Variants in TMEM150B observed in about 807,000 individuals in gnomAD.
TMEM150B encodes modulator of macroautophagy TMEM150B.
A neutral mutation model predicts 25.2 loss-of-function variants in TMEM150B; 33 were observed. The observed-to-expected ratio is 1.31, with a 90% CI of 0.99 to 1.75. TMEM150B has a LOEUF of 1.75. Ranked by LOEUF, TMEM150B falls within the 40% of genes most tolerant of loss-of-function variation. TMEM150B has a pLI of 0.00. For missense variants in TMEM150B, 322 were observed against 306.1 expected (o/e 1.05, Z -0.39); for synonymous variants, 133 against 134.8 (o/e 0.99, Z 0.09).
intron 7 of TMEM150B, among the ~76,000 whole-genome samples, chr19:55,315,530 A>C (rs993661656): frequency 4.6e-5 from 7 of 152,016 alleles, no homozygotes; most frequent in African/African-American, 1.7e-4. Flanking sequence ...GGGAGGCCAA[A>C]GTGGGCGCAT....
chr19:55,314,837 A>G (rs1416637584), intron 7 of TMEM150B, among the ~76,000 whole-genome samples: 1 of 152,188 alleles, frequency 6.6e-6, no homozygotes, highest in Non-Finnish European at 1.5e-5. Context: ...CACCATTTCC[A>G]TTTTGCTGAG....
chr19:55,321,757 ATTC>A (rs1362624654), intron 2 of TMEM150B, among the ~76,000 whole-genome samples: 2 of 151,976 alleles, frequency 1.3e-5, no homozygotes. Context: ...GAATACAGAT[ATTC>A]TTCTCCAGCT....
Position 55,316,796 on chromosome 19 carries a change from G to C in TMEM150B, c.495C>G (p.Leu165=). Residue 165 remains leucine, a synonymous_variant, in exon 7 of 8, where the codon CTC becomes CTG. Transcript: ENST00000326652. ...ATACAAGAAGGATACTGGCCACAAT[G>C]AGGATGGTGCAGACGCTGCAGAGGC... ...RLGLCSVCTI[L]IVAMIVLHAC... is the part of the protein sequence containing the mutation. 1.3e-6 allele frequency: 2 copies of C among 1,530,624 alleles called. No homozygotes were observed. The highest frequency in any genetic ancestry group is 1.7e-6 in the Non-Finnish European group (2 of 1,145,610). The allele number at this position is 1,530,624 out of a possible 1,614,324, so 94.8% of individuals were successfully genotyped here. A position where few individuals can be genotyped will look rare whatever the true frequency, so the allele number is the denominator to read the frequency against.
rs1420481477 is a variant in TMEM150B at position 55,312,821 on chromosome 19, C to T, written c.*38G>A. 1.3e-6 allele frequency: 2 copies of T among 1,535,904 alleles called. No homozygotes were observed. Among genetic ancestry groups the T allele is most frequent in the Non-Finnish European group, 8.8e-7 (1 of 1,138,900 alleles). Reference sequence around the variant, plus strand: ...ACTGGGATTGGCCCCATCTTTCCTGCTTCACTGGTGAGGGCAAGGCCCGGG... The same window carrying T: ...ACTGGGATTGGCCCCATCTTTCCTGTTTCACTGGTGAGGGCAAGGCCCGGG... On this transcript the variant is annotated 3_prime_UTR_variant, in exon 8 of 8. Transcript: ENST00000326652.
chr19:55,318,548 A>AT (rs1197851342), intron 6 of TMEM150B, among the ~76,000 whole-genome samples: 2 of 151,876 alleles, frequency 1.3e-5, no homozygotes, highest in Admixed American at 1.3e-4. Flanking sequence ...AGGCAGGAGA[A>AT]TCGCTTGAAC....
Position 55,312,877 on chromosome 19 carries a change from G to A in TMEM150B, c.684C>T (p.Ser228=). The change falls in exon 8 of 8, where the codon TCC becomes TCT. Residue 228 remains serine, a synonymous_variant. Coordinates refer to ENST00000326652, the MANE Select transcript of TMEM150B (RefSeq NM_001282011.2). ...GTGCCTGCTACAGCTGGACCGGCAGGGAGATGGGGGAGGCCGGCGGGGGGC... is the reference window on the plus strand; with the variant it reads ...GTGCCTGCTACAGCTGGACCGGCAGAGAGATGGGGGAGGCCGGCGGGGGGC... The part of the protein sequence containing the change: ...SLSPPPASPI[S]LPVQL 6.3e-7 allele frequency: 1 copy of A among 1,596,052 alleles called. No individual in the cohort carries two copies. Among genetic ancestry groups the A allele is most frequent in the Non-Finnish European group, 8.5e-7 (1 of 1,172,504 alleles).
At position 55,320,593 on chromosome 19, in the gene TMEM150B, C is replaced by G. The variant is rs1055739046; in HGVS notation, c.93G>C (p.Arg31Ser). Reference sequence around the variant, plus strand: ...GAAAGCCTTTACTGAGGTCCACAGTCCTGTTGGTCACTGCAATGGCAAAAC... The same window carrying G: ...GAAAGCCTTTACTGAGGTCCACAGTGCTGTTGGTCACTGCAATGGCAAAAC... ...WIVFAIAVTN[R>S]TVDLSKGFPY... The change falls in exon 4 of 8, where the codon AGG becomes AGC. Residue 31 changes from arginine (R) to serine (S), a missense_variant. Physicochemically the swap from Arg to Ser is moderately radical, Grantham distance 110. Transcript: ENST00000326652. The G allele has an allele frequency of 1.2e-6, 2 of 1,613,804 alleles. No homozygotes were observed. Among genetic ancestry groups the G allele is most frequent in the African/African-American group, 2.7e-5 (2 of 74,942 alleles).
chr19:55,318,066 A>G (rs1280173242), intron 6 of TMEM150B, among the ~76,000 whole-genome samples: 4 of 152,170 alleles, frequency 2.6e-5, no homozygotes, highest in African/African-American at 9.7e-5. Context: ...CAAGATAATA[A>G]TAATAGGTTG....
intron 1 of TMEM150B, 30 bp downstream of exon 1, chr19:55,325,242 C>T (rs990555140): frequency 8.6e-5 from 85 of 983,990 alleles, no homozygotes; most frequent in Non-Finnish European, 1.0e-4. Flanking sequence ...TGCCGAGCTA[C>T]TTTCAAGTTG....
downstream of TMEM150B, chr19:55,312,247 A>C: frequency 2.6e-6 from 1 of 377,630 alleles, no homozygotes. Context: ...TTCTAGGGGA[A>C]CAGGGGGCGG....
chr19:55,312,028 A>G, downstream of TMEM150B: 2 of 1,459,616 alleles, frequency 1.4e-6, no homozygotes, highest in South Asian at 2.6e-5. Context: ...CCCCCCAAGG[A>G]CAAGAAGCTC....
chr19:55,317,039 C>T (rs2089028639), intron 6 of TMEM150B, 73 bp from the exon 7 acceptor site: 3 of 1,428,414 alleles, frequency 2.1e-6, no homozygotes, highest in East Asian at 5.0e-5. Flanking sequence ...GGGCCAGGGC[C>T]CTTCACCAAT....
chr19:55,319,360 A>C (rs2089116060), intron 6 of TMEM150B: 1 of 142,792 alleles, frequency 7.0e-6, no homozygotes, highest in Admixed American at 7.1e-5. Context: ...TGATCCACCT[A>C]CCTTGGCTTC....
rs1410233395 is a variant in TMEM150B, at chr19:55,316,908, T to C, written c.383A>G (p.Asn128Ser). 5 of 1,607,446 alleles carry C rather than the reference T, an allele frequency of 3.1e-6. No individual in the cohort carries two copies. The highest frequency in any genetic ancestry group is 4.2e-6 in the Non-Finnish European group (5 of 1,177,792). Reference sequence around the variant, plus strand: ...GAGGAGCTGCAGCCAGAAGTAGACGTTACCCAAGATGAAGGCAAGGAAGGC... The same window carrying C: ...GAGGAGCTGCAGCCAGAAGTAGACGCTACCCAAGATGAAGGCAAGGAAGGC... ...AGAFLAFILG[N>S]VYFWLQLLLW... The change falls in exon 7 of 8, where the codon AAC becomes AGC. Residue 128 changes from asparagine to serine, a missense_variant. By Grantham distance (46) the Asn-to-Ser change is conservative. Transcript: ENST00000326652.
chr19:55,312,093 G>T, downstream of TMEM150B: 1 of 1,309,120 alleles, frequency 7.6e-7, no homozygotes, highest in Non-Finnish European at 1.0e-6. Context: ...GGAGGGAGGG[G>T]ACCCCCCTCC....
downstream of TMEM150B, chr19:55,312,050 C>T (rs1047163991): frequency 1.1e-5 from 16 of 1,477,338 alleles, no homozygotes; most frequent in Admixed American, 5.1e-5. Context: ...TGGCCACCAA[C>T]GGGACCCCTC....
intron 3 of TMEM150B, 74 bp downstream of exon 3, chr19:55,320,895 C>T: frequency 3.2e-6 from 5 of 1,553,398 alleles, no homozygotes; most frequent in Non-Finnish European, 4.4e-6. Context: ...CCCTTCCTCC[C>T]TCAGACCCAG....
intron 7 of TMEM150B, among the ~76,000 whole-genome samples, chr19:55,315,320 AATAATAATAACAAG>A (rs1462051287): frequency 6.6e-6 from 1 of 151,010 alleles, no homozygotes; most frequent in Non-Finnish European, 1.5e-5. Flanking sequence ...CATCTCAAAA[AATAATAATAACAAG>A]ATAATAATAA....
chr19:55,313,658 A>G (rs1446859550), intron 7 of TMEM150B, among the ~76,000 whole-genome samples: 1 of 151,886 alleles, frequency 6.6e-6, no homozygotes, highest in African/African-American at 2.4e-5. Context: ...GGTCACCCCA[A>G]GTCTTGTCCT....
Sources: allele counts gnomAD v4.1 joint callset (sites outside exome capture counted in the v4.1 genomes callset), GRCh38; gene constraint gnomAD v4.1.1; transcripts MANE v1.5; gene names NCBI Gene and HGNC (gene_info 2026-07-23, HGNC 2026-07-21).